The following ESRRG variants were observed in gnomAD, a reference collection of about 807,000 sequenced individuals.
ESRRG encodes the protein estrogen related receptor gamma.
In ESRRG, 13 loss-of-function variants were observed where a neutral mutation model predicts 44.0. That is an observed-to-expected ratio of 0.30 (90% CI 0.19 to 0.47). ESRRG has a LOEUF of 0.47. ESRRG is among the 20% of genes least tolerant of loss of function. ESRRG has a pLI of 1.00. For missense variants in ESRRG, 395 were observed against 580.6 expected (o/e 0.68, Z 3.29); for synonymous variants, 215 against 214.6 (o/e 1.00, Z -0.02).
intron 1 of ESRRG, among the ~76,000 whole-genome samples, chr1:217,015,979 G>A (rs544991686): frequency 2.0e-5 from 3 of 151,996 alleles, no homozygotes; most frequent in East Asian, 1.9e-4. Flanking sequence ...GATCGAGGGC[G>A]GCTAGATTTA....
At chr1:216,581,087 A>C (rs2062677841) in intron 3 of ESRRG, among the ~76,000 whole-genome samples, 1 of 152,200 alleles carries the variant, frequency 6.6e-6, no homozygotes, top group Non-Finnish European at 1.5e-5. Flanking sequence ...ATAGACAAAA[A>C]GTGAGCTGAG....
At position 216,981,120 on chromosome 1, in the gene ESRRG, A is replaced by G. The variant is rs1014042845; in HGVS notation, c.-105-41447T>C. Reference sequence around the variant, plus strand: ...CACAGGTACAATTACCCCTTCATCCATGCTACCTCTGCCCTTGCTGCCATT... The same window carrying G: ...CACAGGTACAATTACCCCTTCATCCGTGCTACCTCTGCCCTTGCTGCCATT... On this transcript the variant is annotated intron_variant, in intron 1 of 7. Coordinates refer to the ESRRG transcript ENST00000359162. 3.5e-4 allele frequency among the ~76,000 whole-genome samples: 54 copies of G among 152,146 alleles called. 1 individual carries two copies. The highest frequency in any genetic ancestry group is 3.2e-3 in the Admixed American group (49 of 15,258).
At chr1:216,772,370 C>A (rs1396667066) in intron 2 of ESRRG, among the ~76,000 whole-genome samples, 1 of 152,084 alleles carries the variant, frequency 6.6e-6, no homozygotes, top group African/African-American at 2.4e-5. Flanking sequence ...TCCCAGAATT[C>A]AGCAGCTCGG....
chr1:216,720,271 A>G (rs1321299125), intron 1 of ESRRG, among the ~76,000 whole-genome samples: 1 of 152,106 alleles, frequency 6.6e-6, no homozygotes, highest in African/African-American at 2.4e-5. Context: ...AATGCTCACA[A>G]CTAATTGCAG....
At chr1:216,568,725 T>G (rs1423476205) in intron 3 of ESRRG, among the ~76,000 whole-genome samples, 1 of 152,144 alleles carries the variant, frequency 6.6e-6, no homozygotes, top group African/African-American at 2.4e-5. Context: ...GTGAGAAAAC[T>G]GAGAGCAGGT....
At chr1:216,767,855 G>T (rs2093161335) in intron 2 of ESRRG, among the ~76,000 whole-genome samples, 1 of 152,144 alleles carries the variant, frequency 6.6e-6, no homozygotes, top group Admixed American at 6.6e-5. Flanking sequence ...ATTTAAAACT[G>T]TCAGTTGCTT....
At chr1:216,724,471 T>C (rs1457644491), upstream of ESRRG, among the ~76,000 whole-genome samples, 1 of 151,852 alleles carries the variant, frequency 6.6e-6, no homozygotes, top group Non-Finnish European at 1.5e-5. Flanking sequence ...GCATATAATT[T>C]TATATATGAT....
intron 3 of ESRRG, among the ~76,000 whole-genome samples, chr1:216,645,754 C>T (rs2067415763): frequency 6.6e-6 from 1 of 151,612 alleles, no homozygotes; most frequent in African/African-American, 2.4e-5. Flanking sequence ...GGCCTGTAGT[C>T]CCAGCTACTC....
intron 1 of ESRRG, among the ~76,000 whole-genome samples, chr1:216,965,306 A>C (rs1227964972): frequency 6.6e-6 from 1 of 152,144 alleles, no homozygotes; most frequent in African/African-American, 2.4e-5. Flanking sequence ...AAGATGTTCT[A>C]TGGTCCTGGA....
At chr1:216,822,265 C>A (rs2095313802) in intron 2 of ESRRG, among the ~76,000 whole-genome samples, 1 of 152,096 alleles carries the variant, frequency 6.6e-6, no homozygotes, top group Non-Finnish European at 1.5e-5. Context: ...AATGCGATTT[C>A]ATTAAGAAAT....
intron 2 of ESRRG, among the ~76,000 whole-genome samples, chr1:216,828,151 T>C (rs1474274246): frequency 1.3e-5 from 2 of 152,158 alleles, no homozygotes; most frequent in Non-Finnish European, 2.9e-5. Flanking sequence ...TGGGAGCAAT[T>C]TCCCAGAGAG....
chr1:217,092,818 T>A (rs2092368578), upstream of ESRRG, among the ~76,000 whole-genome samples: 1 of 152,244 alleles, frequency 6.6e-6, no homozygotes, highest in African/African-American at 2.4e-5. Context: ...AATTGCCTTA[T>A]GGAGACCTAG....
intron 3 of ESRRG, among the ~76,000 whole-genome samples, chr1:216,585,366 C>G (rs761397387): frequency 5.3e-5 from 8 of 152,154 alleles, no homozygotes; most frequent in Non-Finnish European, 1.0e-4. Context: ...TAAATTTAAG[C>G]TGCAGTCTCT....
At chr1:216,851,838 A>G (rs1012263008) in intron 2 of ESRRG, among the ~76,000 whole-genome samples, 2 of 152,184 alleles carry the variant, frequency 1.3e-5, no homozygotes, top group Non-Finnish European at 2.9e-5. Flanking sequence ...CAATCAAACA[A>G]ATATTAGGAA....
intron 1 of ESRRG, among the ~76,000 whole-genome samples, chr1:217,132,307 G>A (rs759148959): frequency 3.3e-5 from 5 of 152,032 alleles, no homozygotes; most frequent in Non-Finnish European, 7.4e-5. Context: ...AATTAATTCC[G>A]TATTCTAGTC....
chr1:217,111,667 A>C (rs2092663046), intron 1 of ESRRG, among the ~76,000 whole-genome samples: 1 of 152,140 alleles, frequency 6.6e-6, no homozygotes, highest in African/African-American at 2.4e-5. Flanking sequence ...GTGAAACCAC[A>C]GAGGCTCCTG....
intron 1 of ESRRG, among the ~76,000 whole-genome samples, chr1:216,691,668 C>A (rs2079074894): frequency 6.6e-6 from 1 of 152,152 alleles, no homozygotes; most frequent in Non-Finnish European, 1.5e-5. Flanking sequence ...ACAAATCTGG[C>A]CAAGTTCACC....
chr1:216,543,692 G>GA lies in ESRRG; in HGVS notation c.862+20526dup, dbSNP rs1267163345. Among the ~76,000 whole-genome samples, 14 of 151,836 alleles carry GA rather than the reference G, an allele frequency of 9.2e-5. No homozygotes were observed. In the East Asian group the frequency reaches 2.7e-3, roughly 30 times the overall value. ...GTGTAGTCTCTCAGTCTGTTCACTG[G>GA]AAAAATAGTATCCACCATCAGATGA... On this transcript the variant is annotated intron_variant, in intron 5 of 6. Coordinates refer to ENST00000408911, the MANE Select transcript of ESRRG (RefSeq NM_001438.4).
At chr1:216,683,210 T>C (rs1342838256) in intron 1 of ESRRG, among the ~76,000 whole-genome samples, 1 of 152,112 alleles carries the variant, frequency 6.6e-6, no homozygotes, top group Admixed American at 6.5e-5. Context: ...TATCTTAAGG[T>C]CTGCCTGGTT....
Sources: gnomAD v4.1 joint callset for allele counts (sites outside exome capture counted in the v4.1 genomes callset) on GRCh38, gnomAD v4.1.1 for gene constraint, MANE v1.5 for transcripts, NCBI Gene and HGNC (gene_info 2026-07-23, HGNC 2026-07-21) for gene names.